SH3TC2: variants seen among roughly 807,000 people sequenced by gnomAD.
SH3TC2 encodes the protein SH3 domain and tetratricopeptide repeat-containing protein 2.
A neutral mutation model predicts 124.5 loss-of-function variants in SH3TC2; 87 were observed. The ratio of observed to expected loss-of-function variants is 0.70; its 90% confidence interval spans 0.59 to 0.84. SH3TC2 has a LOEUF of 0.84. Among genes scored for constraint, SH3TC2 ranks in the 40% least tolerant of loss-of-function variants. The pLI is 0.00. For synonymous variants in SH3TC2, 634 were observed against 628.5 expected (o/e 1.01, Z -0.13); for missense variants, 1,536 against 1,566.4 (o/e 0.98, Z 0.33).
rs114750970 is a variant in SH3TC2 at position 149,019,455 on chromosome 5, T to A, written c.3054-6721A>T. On this transcript the variant is annotated intron_variant, in intron 12 of 16. Coordinates refer to ENST00000515425, the MANE Select transcript of SH3TC2 (RefSeq NM_024577.4). Reference sequence around the variant, plus strand: ...ACCTAAAATATTTCCCAATCTTCCATTCAATATCACTTATATTAGTGGTAA... The same window carrying A: ...ACCTAAAATATTTCCCAATCTTCCAATCAATATCACTTATATTAGTGGTAA... Among the ~76,000 whole-genome samples the A allele has an allele frequency of 2.6e-3, 400 of 152,332 alleles. 2 individuals are homozygous for A. Among genetic ancestry groups the A allele is most frequent in the African/African-American group, 8.6e-3 (359 of 41,572 alleles).
chr5:149,038,599 G>A lies in SH3TC2; in HGVS notation c.806-109C>T, dbSNP rs1580908124. 4.2e-6 allele frequency: 5 copies of A among 1,201,514 alleles called. No individual in the cohort carries two copies. The East Asian group carries it at 1.2e-4, about 28-fold the overall frequency. 74.4% of individuals were successfully genotyped at this position (1,201,514 alleles called of 1,614,324 possible). On this transcript the variant is annotated intron_variant, in intron 7 of 16. Coordinates refer to ENST00000515425, the MANE Select transcript of SH3TC2 (RefSeq NM_024577.4). Reference sequence around the variant, plus strand: ...GGGTTCCCAGACTTTAGAATGTCAAGGACCAGTAACATTTCACTCCCCTCC... The same window carrying A: ...GGGTTCCCAGACTTTAGAATGTCAAAGACCAGTAACATTTCACTCCCCTCC...
chr5:149,001,102 T>C lies in SH3TC2; in HGVS notation c.*3609A>G, dbSNP rs1753589989. 6.6e-6 allele frequency among the ~76,000 whole-genome samples: 1 copy of C among 152,050 alleles called. No homozygotes were observed. Among genetic ancestry groups the C allele is most frequent in the African/African-American group, 2.4e-5 (1 of 41,408 alleles). ...CCTAACACCCTCCATTCCTGCATATTCCCTTCCCCAAATAAACTTCTGCCA... is the reference window on the plus strand; with the variant it reads ...CCTAACACCCTCCATTCCTGCATATCCCCTTCCCCAAATAAACTTCTGCCA... On this transcript the variant is annotated 3_prime_UTR_variant, in exon 17 of 17. Transcript: ENST00000515425.
At position 149,012,585 on chromosome 5, in the gene SH3TC2, T is replaced by TG. The variant is rs772134969; in HGVS notation, c.3202dup (p.Gln1068ProfsTer21). Reference sequence around the variant, plus strand: ...CAGAGAGCTCTGCAGGAGGCCTACCTGCAGGCACAGCTCCACCAGCTCGTC... The same window carrying TG: ...CAGAGAGCTCTGCAGGAGGCCTACCTGGCAGGCACAGCTCCACCAGCTCGTC... On this transcript the variant is annotated frameshift_variant and splice_region_variant, in exon 13 of 17. Coordinates refer to ENST00000515425, the MANE Select transcript of SH3TC2 (RefSeq NM_024577.4). LOFTEE classifies it high-confidence loss of function. 1.2e-6 allele frequency: 2 copies of TG among 1,614,118 alleles called. No individual in the cohort carries two copies. Among genetic ancestry groups the TG allele is most frequent in the Middle Eastern group, 1.6e-4 (1 of 6,062 alleles).
chr5:149,014,840 A>G (rs1410616786), intron 12 of SH3TC2, among the ~76,000 whole-genome samples: 4 of 152,208 alleles, frequency 2.6e-5, no homozygotes, highest in African/African-American at 7.2e-5. Context: ...GTTGAGATTC[A>G]GCAGGCCTGG....
intron 4 of SH3TC2, among the ~76,000 whole-genome samples, chr5:149,043,479 G>T (rs572862166): frequency 8.9e-4 from 135 of 152,280 alleles, no homozygotes; most frequent in Non-Finnish European, 1.7e-3. Context: ...TGTTTCCTAA[G>T]ATGCAAAAGC....
chr5:149,011,447 A>C (rs1404210572), intron 13 of SH3TC2, among the ~76,000 whole-genome samples: 2 of 152,218 alleles, frequency 1.3e-5, no homozygotes, highest in Non-Finnish European at 2.9e-5. Context: ...CAGCCCAAAA[A>C]TCGCAAGGCA....
chr5:149,029,111 A>G (rs989809259), intron 9 of SH3TC2, among the ~76,000 whole-genome samples: 1 of 152,226 alleles, frequency 6.6e-6, no homozygotes, highest in Non-Finnish European at 1.5e-5. Context: ...CGATGGAGCC[A>G]GGACACAACT....
chr5:149,043,849 C>CT (rs945467097), intron 4 of SH3TC2: 1 of 153,026 alleles, frequency 6.5e-6, no homozygotes. Context: ...AAAATCTGTC[C>CT]TTGTGTATGT....
In SH3TC2 at chr5:148,992,513, T is replaced by A. The variant is rs1753434789; in HGVS notation, c.*12198A>T. ...CGAGACTGAGGTTTTTAACTCATCA[T>A]CCTTGGGCGTGCATTAAAGGGTCCA... is the stretch of plus-strand genomic sequence containing the variant. On this transcript the variant is annotated 3_prime_UTR_variant, in exon 17 of 17. Transcript: ENST00000515425. Among the ~76,000 whole-genome samples the A allele has an allele frequency of 6.6e-6, 1 of 151,840 alleles. No homozygotes were observed.
At chr5:149,029,076 G>C (rs905533834) in intron 9 of SH3TC2, among the ~76,000 whole-genome samples, 1 of 152,184 alleles carries the variant, frequency 6.6e-6, no homozygotes, top group African/African-American at 2.4e-5. Context: ...GAGAGATGCA[G>C]CTCCCAAATC....
At chr5:149,053,955 A>G (rs940162819) in intron 1 of SH3TC2, among the ~76,000 whole-genome samples, 1 of 152,208 alleles carries the variant, frequency 6.6e-6, no homozygotes, top group African/African-American at 2.4e-5. Flanking sequence ...AGCTAGATAG[A>G]ATAAATAAGA....
chr5:149,008,678 C>T (rs1753731780), intron 15 of SH3TC2, 173 bp downstream of exon 15: 1 of 839,188 alleles, frequency 1.2e-6, no homozygotes, highest in Non-Finnish European at 1.9e-6. Flanking sequence ...TGATGACAAG[C>T]TTGAGGCTTA....
chr5:149,006,433 T>C lies in SH3TC2; in HGVS notation c.3675+448A>G, dbSNP rs568795201. Among the ~76,000 whole-genome samples the C allele has an allele frequency of 1.4e-4, 22 of 152,352 alleles. No individual in the cohort carries two copies. The East Asian group carries it at 4.0e-3, about 28-fold the overall frequency. On this transcript the variant is annotated intron_variant, in intron 16 of 16. Coordinates refer to ENST00000515425, the MANE Select transcript of SH3TC2 (RefSeq NM_024577.4). The stretch of plus-strand genomic sequence containing the variant: ...TAAAATGTAGCTTTACATTACTTTA[T>C]AAGAAATGAGTTGCAGTTGACTAGT...
rs1753426660 is a variant in SH3TC2 at position 148,991,971 on chromosome 5, A to G, written c.*12740T>C. Among the ~76,000 whole-genome samples, 2 of 152,174 alleles carry G rather than the reference A, an allele frequency of 1.3e-5. No individual in the cohort carries two copies. Among genetic ancestry groups the G allele is most frequent in the African/African-American group, 4.8e-5 (2 of 41,440 alleles). On this transcript the variant is annotated 3_prime_UTR_variant, in exon 17 of 17. Transcript: ENST00000515425. ...GAGCAACCCTAACATGTGTTGGGTGACCATGGGTAAGGCTTTCCCTTTTCT... is the reference window on the plus strand; with the variant it reads ...GAGCAACCCTAACATGTGTTGGGTGGCCATGGGTAAGGCTTTCCCTTTTCT...
intron 2 of SH3TC2, among the ~76,000 whole-genome samples, chr5:149,051,247 C>T (rs1473355287): frequency 6.6e-6 from 1 of 152,184 alleles, no homozygotes; most frequent in Non-Finnish European, 1.5e-5. Context: ...AGATTTGTTT[C>T]ACATTAATTT....
Position 149,028,499 on chromosome 5 carries a change from A to G in SH3TC2, c.1233T>C (p.His411=). ...TGGACTGTCTGGACCCCACGGCCTG[A>G]TGCTCCTCCCAGGCTCTGCCAGGCC... The part of the protein sequence containing the change: ...EVRPGRAWEE[H]QAVGSRQSSS... The change falls in exon 11 of 17, where the codon CAT becomes CAC. Residue 411 remains histidine (H), a synonymous_variant. Transcript: ENST00000515425. The G allele has an allele frequency of 6.2e-7, 1 of 1,613,420 alleles. No individual in the cohort carries two copies. The highest frequency in any genetic ancestry group is 8.5e-7 in the Non-Finnish European group (1 of 1,179,602).
chr5:149,032,417 G>C (rs1301566395), intron 8 of SH3TC2, among the ~76,000 whole-genome samples: 1 of 152,168 alleles, frequency 6.6e-6, no homozygotes, highest in Non-Finnish European at 1.5e-5. Context: ...AAAACTAGAA[G>C]TGCCTTAGAA....
At chr5:149,021,150 A>T (rs1254436871) in intron 12 of SH3TC2, among the ~76,000 whole-genome samples, 1 of 152,162 alleles carries the variant, frequency 6.6e-6, no homozygotes, top group Non-Finnish European at 1.5e-5. Flanking sequence ...AAAATTCACA[A>T]ATATGTGGAA....
In SH3TC2 at chr5:149,030,790, G is replaced by A. The variant is rs143932929; in HGVS notation, c.1135+764C>T. Among the ~76,000 whole-genome samples, 1,515 of 152,286 alleles carry A rather than the reference G, an allele frequency of 9.9e-3. 17 individuals carry two copies. Among genetic ancestry groups the A allele is most frequent in the Middle Eastern group, 0.02 (6 of 294 alleles). On this transcript the variant is annotated intron_variant, in intron 9 of 16. Transcript: ENST00000515425. ...TCATCTAATCTGGCTACACAAGAGC[G>A]GACACAATGTCACCATCAATGAAGA...
Sources: allele counts gnomAD v4.1 joint callset (sites outside exome capture counted in the v4.1 genomes callset), GRCh38; gene constraint gnomAD v4.1.1; transcripts MANE v1.5; gene names NCBI Gene and HGNC (gene_info 2026-07-23, HGNC 2026-07-21).